The following SRD5A2 variants were observed in gnomAD, a reference collection of about 807,000 sequenced individuals.
SRD5A2 encodes the protein steroid 5 alpha-reductase 2, also known as 3-oxo-5-alpha-steroid 4-dehydrogenase 2.
SRD5A2 carries 30 observed loss-of-function variants against 27.4 expected under a neutral mutation model. The observed-to-expected ratio is 1.10, with a 90% confidence interval of 0.82 to 1.49. The LOEUF (loss-of-function observed/expected upper bound fraction) is 1.49, where lower values mean the gene tolerates loss of function less well. SRD5A2 is among the 40% of genes most tolerant of loss of function. SRD5A2 has a pLI of 0.00. For synonymous variants in SRD5A2, 141 were observed against 133.6 expected (o/e 1.06, Z -0.38); for missense variants, 348 against 323.4 (o/e 1.08, Z -0.58).
At chr2:31,620,347 C>A in the SRD5A2 span, among the ~76,000 whole-genome samples, 1 of 151,950 alleles carries the variant, frequency 6.6e-6, no homozygotes. Flanking sequence ...GGCAATGAGG[C>A]AAGAGAGAAA....
intron 1 of SRD5A2, among the ~76,000 whole-genome samples, chr2:31,580,176 C>A (rs1667041475): frequency 6.6e-6 from 1 of 152,200 alleles, no homozygotes; most frequent in South Asian, 2.1e-4. Context: ...GATCCCAGAA[C>A]TAATCTGTCC....
the SRD5A2 span, among the ~76,000 whole-genome samples, chr2:31,589,386 G>A: frequency 0.085 from 12,958 of 152,174 alleles, 675 homozygotes; most frequent in Middle Eastern, 0.18. Context: ...GGCCAGGAGC[G>A]CAGAAGTTAA....
chr2:31,641,568 C>T, the SRD5A2 span, among the ~76,000 whole-genome samples: 43 of 152,144 alleles, frequency 2.8e-4, no homozygotes, highest in Non-Finnish European at 5.2e-4. Flanking sequence ...AAATCTTCAA[C>T]AATATATTAA....
the SRD5A2 span, among the ~76,000 whole-genome samples, chr2:31,612,161 G>T: frequency 6.6e-6 from 1 of 151,960 alleles, no homozygotes; most frequent in Non-Finnish European, 1.5e-5. Flanking sequence ...CCTGCCTGCA[G>T]TCCCAGTTAC....
intron 1 of SRD5A2, among the ~76,000 whole-genome samples, chr2:31,542,901 A>C (rs1666159638): frequency 6.6e-6 from 1 of 152,188 alleles, no homozygotes; most frequent in Admixed American, 6.5e-5. Flanking sequence ...ATGGTGAAAA[A>C]TTCTTCGAAT....
chr2:31,596,732 C>G, the SRD5A2 span, among the ~76,000 whole-genome samples: 4 of 152,024 alleles, frequency 2.6e-5, no homozygotes, highest in Admixed American at 2.6e-4. Flanking sequence ...GAACATAACC[C>G]CTTTCAGAAT....
At chr2:31,553,592 C>T (rs1222013735) in intron 1 of SRD5A2, among the ~76,000 whole-genome samples, 1 of 152,186 alleles carries the variant, frequency 6.6e-6, no homozygotes, top group Non-Finnish European at 1.5e-5. Context: ...CATAAGAAGC[C>T]TTACACACCA....
intron 1 of SRD5A2, among the ~76,000 whole-genome samples, chr2:31,538,305 T>C (rs1277919856): frequency 6.6e-6 from 1 of 152,178 alleles, no homozygotes; most frequent in African/African-American, 2.4e-5. Flanking sequence ...AGACCATCTT[T>C]GATCTCTCTC....
At chr2:31,574,838 C>T (rs141057049) in intron 1 of SRD5A2, among the ~76,000 whole-genome samples, 1 of 152,186 alleles carries the variant, frequency 6.6e-6, no homozygotes, top group Non-Finnish European at 1.5e-5. Flanking sequence ...TAAACTATGG[C>T]CCATAGGCCA....
intron 1 of SRD5A2, among the ~76,000 whole-genome samples, chr2:31,561,507 T>A (rs1359351555): frequency 1.3e-5 from 2 of 152,140 alleles, no homozygotes; most frequent in Non-Finnish European, 2.9e-5. Context: ...TCATGCAAAA[T>A]CTTTGAGATG....
chr2:31,640,549 T>C, the SRD5A2 span, among the ~76,000 whole-genome samples: 106,228 of 152,008 alleles, frequency 0.7, 37,340 homozygotes, highest in Non-Finnish European at 0.71. Flanking sequence ...TCTAGATAGT[T>C]CCTTAAGCTC....
chr2:31,592,761 G>A, the SRD5A2 span, among the ~76,000 whole-genome samples: 1 of 152,114 alleles, frequency 6.6e-6, no homozygotes, highest in African/African-American at 2.4e-5. Flanking sequence ...AGGAACCAGA[G>A]ATGACAAAAC....
chr2:31,538,587 T>C (rs1338286323), intron 1 of SRD5A2, among the ~76,000 whole-genome samples: 2 of 152,208 alleles, frequency 1.3e-5, no homozygotes, highest in Non-Finnish European at 2.9e-5. Flanking sequence ...CATGACTAAA[T>C]GAAAGCCCAA....
the SRD5A2 span, among the ~76,000 whole-genome samples, chr2:31,630,674 C>T: frequency 5.9e-5 from 9 of 152,210 alleles, no homozygotes; most frequent in Admixed American, 2.0e-4. Flanking sequence ...GTGAGCACAT[C>T]TCACCAATTC....
chr2:31,632,209 A>G, the SRD5A2 span, among the ~76,000 whole-genome samples: 1 of 152,170 alleles, frequency 6.6e-6, no homozygotes, highest in East Asian at 1.9e-4. Flanking sequence ...GATCAGGAGG[A>G]ACAGGCAGAA....
the SRD5A2 span, among the ~76,000 whole-genome samples, chr2:31,597,314 A>T: frequency 6.6e-6 from 1 of 152,176 alleles, no homozygotes; most frequent in Non-Finnish European, 1.5e-5. Context: ...CCTAATACAA[A>T]TTCAACTGAA....
At chr2:31,583,641 AAAAAAAAAACCAAAAAAAAAGC>A (rs1268600517), upstream of SRD5A2, among the ~76,000 whole-genome samples, 1,255 of 26,228 alleles carry the variant, frequency 0.048, 30 homozygotes, top group African/African-American at 0.12. Flanking sequence ...AAAAAAAAGC[AAAAAAAAAACCAAAAAAAAAGC>A]AAAAAAAAAA....
intron 1 of SRD5A2, among the ~76,000 whole-genome samples, chr2:31,568,019 C>T (rs372074495): frequency 2.0e-5 from 3 of 152,174 alleles, no homozygotes; most frequent in East Asian, 1.9e-4. Flanking sequence ...CAAGCAGCTC[C>T]AGATGACAGC....
chr2:31,647,238 C>T, the SRD5A2 span, among the ~76,000 whole-genome samples: 1 of 152,094 alleles, frequency 6.6e-6, no homozygotes, highest in South Asian at 2.1e-4. Context: ...CACACCTTAG[C>T]GTGTATTCAA....
Sources: allele counts gnomAD v4.1 joint callset (sites outside exome capture counted in the v4.1 genomes callset), GRCh38; gene constraint gnomAD v4.1.1; transcripts MANE v1.5; gene names NCBI Gene and HGNC (gene_info 2026-07-23, HGNC 2026-07-21).